MED12L: variants seen among roughly 807,000 people sequenced by gnomAD.
MED12L encodes mediator of RNA polymerase II transcription subunit 12-like protein.
Under a neutral mutation model 281.3 loss-of-function variants are expected in MED12L, and 60 were observed. That is an observed-to-expected ratio of 0.21 (90% CI 0.17 to 0.26). The LOEUF (loss-of-function observed/expected upper bound fraction) is 0.26. MED12L is among the 10% of genes least tolerant of loss of function. The pLI, the probability that MED12L is intolerant of heterozygous loss-of-function variation, is 1.00. For synonymous variants in MED12L, 974 were observed against 987.2 expected (o/e 0.99, Z 0.25); for missense variants, 2,146 against 2,680.9 (o/e 0.80, Z 4.41).
rs180793078 is a variant in MED12L, at chr3:151,424,507, T to C, written c.6409-5792T>C. On this transcript the variant is annotated intron_variant, in intron 43 of 44. Coordinates refer to ENST00000687756, the MANE Select transcript of MED12L (RefSeq NM_001393769.1). ...GGTGGTGGGCGCTGGTAGTCCCAGC[T>C]ACCCGGGAGGCTGAGGCAGGAGAAT... Among the ~76,000 whole-genome samples, 305 of 152,090 alleles carry C rather than the reference T, an allele frequency of 2.0e-3. 1 individual carries two copies. The highest frequency in any genetic ancestry group is 7.0e-3 in the African/African-American group (289 of 41,496).
intron 2 of MED12L, among the ~76,000 whole-genome samples, chr3:151,110,859 T>C (rs142323437): frequency 5.1e-4 from 78 of 152,354 alleles, no homozygotes; most frequent in African/African-American, 1.8e-3. Flanking sequence ...TCTTGGGATC[T>C]GCTGCTGTTG....
At chr3:151,297,126 T>G (rs145401538) in intron 16 of MED12L, among the ~76,000 whole-genome samples, 1 of 152,208 alleles carries the variant, frequency 6.6e-6, no homozygotes, top group African/African-American at 2.4e-5. Context: ...TAGCCTGTTA[T>G]GAGACCCATA....
intron 2 of MED12L, among the ~76,000 whole-genome samples, chr3:151,104,837 G>A (rs1258016350): frequency 1.3e-5 from 2 of 152,170 alleles, no homozygotes; most frequent in African/African-American, 4.8e-5. Context: ...TTCCTTGGTT[G>A]TGGCAGCCTA....
chr3:151,281,991 A>G (rs1325195021), intron 16 of MED12L, among the ~76,000 whole-genome samples: 2 of 152,150 alleles, frequency 1.3e-5, no homozygotes, highest in Admixed American at 1.3e-4. Flanking sequence ...TAAATGTCCT[A>G]TTTTGCTCCT....
At chr3:151,327,957 A>T (rs924974733) in intron 16 of MED12L, 1 of 1,420,852 alleles carries the variant, frequency 7.0e-7, no homozygotes, top group Non-Finnish European at 9.4e-7. Context: ...CGGAAGTCTC[A>T]TCAATAAATA....
chr3:151,196,125 C>T (rs145947724), intron 16 of MED12L, among the ~76,000 whole-genome samples: 2 of 152,188 alleles, frequency 1.3e-5, no homozygotes, highest in African/African-American at 4.8e-5. Flanking sequence ...ATTTAACATT[C>T]TACTTCCTTG....
chr3:151,384,468 T>C (rs1256788673), intron 35 of MED12L, among the ~76,000 whole-genome samples: 4 of 152,212 alleles, frequency 2.6e-5, no homozygotes, highest in African/African-American at 9.6e-5. Context: ...AGAAATCCAC[T>C]GTTAAATATA....
chr3:151,086,226 G>C (rs1205642327), intron 1 of MED12L, among the ~76,000 whole-genome samples: 1 of 152,198 alleles, frequency 6.6e-6, no homozygotes, highest in African/African-American at 2.4e-5. Flanking sequence ...GGAACCTGGC[G>C]GGCGTCTAGG....
At chr3:151,157,661 T>C (rs979453511) in intron 6 of MED12L, among the ~76,000 whole-genome samples, 2 of 152,202 alleles carry the variant, frequency 1.3e-5, no homozygotes, top group African/African-American at 2.4e-5. Flanking sequence ...GTAAACATTT[T>C]AAAAATTAGA....
chr3:151,387,731 C>G, intron 36 of MED12L, 79 bp from the exon 37 acceptor site: 5 of 1,505,982 alleles, frequency 3.3e-6, no homozygotes, highest in Non-Finnish European at 4.5e-6. Flanking sequence ...TGTTCTCTGA[C>G]TCCATGTCCC....
At position 151,383,804 on chromosome 3, in the gene MED12L, A is replaced by G; in HGVS notation, c.4706A>G (p.Gln1569Arg). 1 of 1,613,602 alleles carries G rather than the reference A, an allele frequency of 6.2e-7. No individual in the cohort carries two copies. The highest frequency in any genetic ancestry group is 1.1e-5 in the South Asian group (1 of 91,056). ...GTAGGAGGAATGTTTGACACGGTGCAGAGGAGCACCCAGTGGACTACAGAC... is the reference window on the plus strand; with the variant it reads ...GTAGGAGGAATGTTTGACACGGTGCGGAGGAGCACCCAGTGGACTACAGAC... The part of the protein sequence containing the change: ...NLVGGMFDTV[Q>R]RSTQWTTDWA... Residue 1569 changes from glutamine to arginine, a missense_variant, in exon 34 of 45, where the codon CAG becomes CGG. Gln to Arg is a conservative substitution (Grantham distance 43, BLOSUM62 1). Transcript: ENST00000687756.
intron 16 of MED12L, among the ~76,000 whole-genome samples, chr3:151,255,974 C>G (rs1353257935): frequency 6.6e-6 from 1 of 152,180 alleles, no homozygotes; most frequent in Non-Finnish European, 1.5e-5. Context: ...TAATGCCTAG[C>G]TCTAAGGTCA....
intron 10 of MED12L, 91 bp from the exon 11 acceptor site, chr3:151,165,755 C>A (rs1720634475): frequency 4.4e-6 from 6 of 1,365,208 alleles, no homozygotes; most frequent in South Asian, 1.3e-5. Flanking sequence ...AAAAAAAATT[C>A]TTTTGCCTCA....
rs1253323870 is a variant in MED12L, at chr3:151,436,178, G to GAATC, written c.*3376_*3379dup. On this transcript the variant is annotated 3_prime_UTR_variant, in exon 45 of 45. Coordinates refer to ENST00000687756, the MANE Select transcript of MED12L (RefSeq NM_001393769.1). The stretch of plus-strand genomic sequence containing the variant: ...AAAATTTTCAGTGTGAACAAATGGT[G>GAATC]AATCATAAGACAGTTCAGTGCTTAT... The GAATC allele has an allele frequency of 1.3e-5, 2 of 152,328 alleles. No homozygotes were observed. The highest frequency in any genetic ancestry group is 6.5e-5 in the Admixed American group (1 of 15,312). 9.4% of individuals were successfully genotyped at this position (152,328 alleles called of 1,614,324 possible).
intron 2 of MED12L, among the ~76,000 whole-genome samples, chr3:151,090,688 A>G (rs926119475): frequency 6.6e-6 from 1 of 152,244 alleles, no homozygotes; most frequent in Non-Finnish European, 1.5e-5. Flanking sequence ...GTTAAGCCTG[A>G]AAGTAAAATT....
rs1259566507 is a variant in MED12L, at chr3:151,418,892, A to G, written c.6408+2470A>G. ...TTAATTATGGATACATAATATTTGT[A>G]CATATTTATGTACAGATACGTGAGA... On this transcript the variant is annotated intron_variant, in intron 43 of 44. Transcript: ENST00000687756. 1.3e-5 allele frequency among the ~76,000 whole-genome samples: 2 copies of G among 152,306 alleles called. 1 individual carries two copies. The highest frequency in any genetic ancestry group is 4.8e-5 in the African/African-American group (2 of 41,562).
chr3:151,355,302 C>A (rs1753772159), intron 18 of MED12L, 63 bp downstream of exon 18: 1 of 1,105,566 alleles, frequency 9.0e-7, no homozygotes, highest in Non-Finnish European at 1.3e-6. Context: ...AAATTTTTTT[C>A]ATGCAGTATA....
chr3:151,199,259 T>G lies in MED12L; in HGVS notation c.2250+5593T>G, dbSNP rs558551250. 18 of 1,614,156 alleles carry G rather than the reference T, an allele frequency of 1.1e-5. No individual in the cohort carries two copies. The East Asian group carries it at 3.6e-4, about 32-fold the overall frequency. On this transcript the variant is annotated intron_variant, in intron 16 of 44. Coordinates refer to ENST00000687756, the MANE Select transcript of MED12L (RefSeq NM_001393769.1). Reference sequence around the variant, plus strand: ...GATGCTCACACACCTGTGATTCGTATTCTTCTGTATAAAAGCCCAGGTTGC... The same window carrying G: ...GATGCTCACACACCTGTGATTCGTAGTCTTCTGTATAAAAGCCCAGGTTGC...
chr3:151,345,313 CAA>C (rs1042858821), intron 16 of MED12L, among the ~76,000 whole-genome samples: 31 of 152,172 alleles, frequency 2.0e-4, no homozygotes, highest in African/African-American at 4.8e-4. Context: ...AGGGAATAAA[CAA>C]GAGTAATTTT....
Sources: gnomAD v4.1 joint callset for allele counts (sites outside exome capture counted in the v4.1 genomes callset) on GRCh38, gnomAD v4.1.1 for gene constraint, MANE v1.5 for transcripts, NCBI Gene and HGNC (gene_info 2026-07-23, HGNC 2026-07-21) for gene names.